The following ZNF536 variants were observed in gnomAD, a reference collection of about 807,000 sequenced individuals.
ZNF536 encodes the protein zinc finger protein 536.
Under a neutral mutation model 84.5 loss-of-function variants are expected in ZNF536, and 13 were observed. The observed-to-expected ratio is 0.15, with a 90% CI of 0.10 to 0.24. The LOEUF (loss-of-function observed/expected upper bound fraction) is 0.24, where lower values mean the gene tolerates loss of function less well. Among genes scored for constraint, ZNF536 ranks in the 10% least tolerant of loss-of-function variants. The pLI is 1.00. For synonymous variants in ZNF536, 811 were observed against 742.5 expected, an observed-to-expected ratio of 1.09 and a Z score of -1.50; for missense variants, 1,536 against 1,747.5, an observed-to-expected ratio of 0.88 and a Z score of 2.16.
At chr19:30,436,078 G>A (rs1042154631) in intron 1 of ZNF536, among the ~76,000 whole-genome samples, 3 of 152,070 alleles carry the variant, frequency 2.0e-5, no homozygotes, top group Non-Finnish European at 4.4e-5. Context: ...GGCTCCATGG[G>A]ACCACATATT....
At chr19:30,295,852 C>T (rs998161279) in intron 2 of ZNF536, among the ~76,000 whole-genome samples, 1 of 152,144 alleles carries the variant, frequency 6.6e-6, no homozygotes, top group African/African-American at 2.4e-5. Context: ...ATCCTTGGTC[C>T]CTCTTGTTGC....
At position 30,383,780 on chromosome 19, in the gene ZNF536, C is replaced by T. The variant is rs533795943; in HGVS notation, c.-3+11224C>T. On this transcript the variant is annotated intron_variant, in intron 1 of 4. Coordinates refer to ENST00000355537, the MANE Select transcript of ZNF536 (RefSeq NM_014717.3). ...TTCTCTTTCTTTCTTTCTTTTCTTTCTTTCTTTCTTTTCTTTCTTTTCTCT... is the reference window on the plus strand; with the variant it reads ...TTCTCTTTCTTTCTTTCTTTTCTTTTTTTCTTTCTTTTCTTTCTTTTCTCT... 6.5e-3 allele frequency among the ~76,000 whole-genome samples: 589 copies of T among 90,224 alleles called. 27 individuals carry two copies. Among genetic ancestry groups the T allele is most frequent in the African/African-American group, 0.022 (551 of 24,630 alleles). 59.2% of individuals were successfully genotyped at this position (90,224 alleles called of 152,430 possible).
intron 1 of ZNF536, among the ~76,000 whole-genome samples, chr19:30,687,428 C>G (rs2051234882): frequency 6.6e-6 from 1 of 152,172 alleles, no homozygotes; most frequent in African/African-American, 2.4e-5. Context: ...ACGTCCGACA[C>G]AGGGAGAGAT....
chr19:30,678,450 C>G (rs73927153), intron 1 of ZNF536, among the ~76,000 whole-genome samples: 9,853 of 152,252 alleles, frequency 0.065, 546 homozygotes, highest in African/African-American at 0.14. Flanking sequence ...CCTGCACAAG[C>G]TCTGGCTTCC....
chr19:30,571,577 G>T (rs920439595), intron 1 of ZNF536, among the ~76,000 whole-genome samples: 2 of 152,212 alleles, frequency 1.3e-5, no homozygotes, highest in Non-Finnish European at 2.9e-5. Flanking sequence ...GGGATAGAAC[G>T]ACTCTTTGCA....
At chr19:30,306,087 A>G (rs1296320176) in intron 2 of ZNF536, among the ~76,000 whole-genome samples, 3 of 151,866 alleles carry the variant, frequency 2.0e-5, no homozygotes, top group Non-Finnish European at 4.4e-5. Flanking sequence ...GTGTTGAGTA[A>G]TTGTTTTGCC....
chr19:30,568,044 T>C (rs1348342307), intron 1 of ZNF536, among the ~76,000 whole-genome samples: 1 of 152,218 alleles, frequency 6.6e-6, no homozygotes, highest in Non-Finnish European at 1.5e-5. Flanking sequence ...TAAAAACATA[T>C]GGTGCCTGTA....
chr19:30,484,712 C>CT (rs1325232490), intron 2 of ZNF536, among the ~76,000 whole-genome samples: 1 of 128,108 alleles, frequency 7.8e-6, no homozygotes, highest in African/African-American at 3.0e-5. Flanking sequence ...TTCTCTTGAT[C>CT]TTTTTTGGAA....
chr19:30,609,242 A>G (rs2048004961), intron 1 of ZNF536, among the ~76,000 whole-genome samples: 1 of 152,216 alleles, frequency 6.6e-6, no homozygotes, highest in Non-Finnish European at 1.5e-5. Flanking sequence ...ACATTTTGGA[A>G]TCTGAGCCTT....
At chr19:30,318,886 C>T (rs2046767500) in intron 2 of ZNF536, among the ~76,000 whole-genome samples, 1 of 152,168 alleles carries the variant, frequency 6.6e-6, no homozygotes, top group Non-Finnish European at 1.5e-5. Context: ...TGGAGAGTGC[C>T]TTTGGGGCAG....
At chr19:30,239,602 T>G (rs534620596) in intron 1 of ZNF536, among the ~76,000 whole-genome samples, 1 of 152,320 alleles carries the variant, frequency 6.6e-6, no homozygotes, top group Non-Finnish European at 1.5e-5. Flanking sequence ...AGGGGGAGAC[T>G]TGTCCTGTGC....
chr19:30,282,479 G>A (rs983025838), intron 1 of ZNF536, among the ~76,000 whole-genome samples: 3 of 152,224 alleles, frequency 2.0e-5, no homozygotes, highest in African/African-American at 7.2e-5. Context: ...TTCCCCCGAT[G>A]AAGACTCTCT....
At chr19:30,476,923 G>A (rs1010145487) in intron 2 of ZNF536, among the ~76,000 whole-genome samples, 1 of 151,714 alleles carries the variant, frequency 6.6e-6, no homozygotes, top group African/African-American at 2.4e-5. Context: ...GTGTGGTCCT[G>A]CCTTGGGGCC....
intron 2 of ZNF536, among the ~76,000 whole-genome samples, chr19:30,294,811 G>A (rs976223678): frequency 1.8e-4 from 28 of 152,152 alleles, no homozygotes; most frequent in African/African-American, 6.8e-4. Flanking sequence ...CTCCTACAGG[G>A]ACTGAAGGCT....
intron 1 of ZNF536, among the ~76,000 whole-genome samples, chr19:30,240,366 C>G (rs986358217): frequency 7.2e-6 from 1 of 139,822 alleles, no homozygotes; most frequent in Non-Finnish European, 1.5e-5. Flanking sequence ...GAGCAAGACT[C>G]TATCTCAGAA....
At chr19:30,362,249 C>T (rs1446863678) in intron 3 of ZNF536, among the ~76,000 whole-genome samples, 2 of 152,150 alleles carry the variant, frequency 1.3e-5, no homozygotes, top group Non-Finnish European at 2.9e-5. Context: ...GGCAATTGTG[C>T]CAGGGGCAGA....
At chr19:30,314,528 G>T (rs964050546) in intron 2 of ZNF536, among the ~76,000 whole-genome samples, 1 of 152,114 alleles carries the variant, frequency 6.6e-6, no homozygotes, top group Non-Finnish European at 1.5e-5. Context: ...GAGCCACACC[G>T]TGTTCCCAGA....
At chr19:30,644,367 C>CT (rs548262744) in intron 1 of ZNF536, among the ~76,000 whole-genome samples, 103 of 148,720 alleles carry the variant, frequency 6.9e-4, no homozygotes, top group African/African-American at 2.3e-3. Flanking sequence ...ACATTTCTTT[C>CT]TTTTTTTTTT....
At chr19:30,618,005 C>T (rs2048363009) in intron 1 of ZNF536, among the ~76,000 whole-genome samples, 1 of 152,182 alleles carries the variant, frequency 6.6e-6, no homozygotes, top group African/African-American at 2.4e-5. Context: ...TTGTGCATCT[C>T]TATTGGCTTT....
Sources: allele counts gnomAD v4.1 joint callset (sites outside exome capture counted in the v4.1 genomes callset), GRCh38; gene constraint gnomAD v4.1.1; transcripts MANE v1.5; gene names NCBI Gene and HGNC (gene_info 2026-07-23, HGNC 2026-07-21).